The following SYT1 variants were observed in gnomAD, a reference collection of about 807,000 sequenced individuals.
The protein encoded by SYT1 is synaptotagmin-1.
Under a neutral mutation model 44.8 loss-of-function variants are expected in SYT1, and 8 were observed. The observed-to-expected ratio is 0.18, with a 90% CI of 0.10 to 0.32. SYT1 has a LOEUF of 0.32. Ranked by LOEUF, SYT1 falls within the 10% of genes least tolerant of loss-of-function variation. SYT1 has a pLI of 1.00. For missense variants in SYT1, 286 were observed against 509.3 expected (o/e 0.56, Z 4.22); for synonymous variants, 154 against 188.8 (o/e 0.82, Z 1.51).
chr12:79,026,979 T>C (rs1310852225), intron 2 of SYT1, among the ~76,000 whole-genome samples: 3 of 151,486 alleles, frequency 2.0e-5, no homozygotes, highest in East Asian at 1.9e-4. Flanking sequence ...ACAGCCGTTA[T>C]AGAAAACAGT....
rs78294870 is a variant in SYT1, at chr12:78,949,111, T to A, written c.-216-28688T>A. ...TGCTAGTGATTGGCTATAGGACTTC[T>A]CCAAACAAGGACTACAATTATAGGA... is the stretch of plus-strand genomic sequence containing the variant. On this transcript the variant is annotated intron_variant, in intron 1 of 10. Coordinates refer to ENST00000261205, the MANE Select transcript of SYT1 (RefSeq NM_005639.3). 1.1e-3 allele frequency among the ~76,000 whole-genome samples: 168 copies of A among 151,656 alleles called. 1 individual carries two copies. Among genetic ancestry groups the A allele is most frequent in the African/African-American group, 3.9e-3 (161 of 41,468 alleles).
intron 4 of SYT1, among the ~76,000 whole-genome samples, chr12:79,252,987 T>TG (rs759994940): frequency 3.9e-5 from 6 of 152,120 alleles, no homozygotes; most frequent in Non-Finnish European, 8.8e-5. Flanking sequence ...AGTGGAATGG[T>TG]GGGGAGCAAA....
chr12:79,316,965 A>C (rs1881118380), intron 8 of SYT1, among the ~76,000 whole-genome samples: 2 of 152,248 alleles, frequency 1.3e-5, no homozygotes, highest in Admixed American at 1.3e-4. Context: ...TATGTTAAAT[A>C]TTATTGAAAA....
chr12:78,958,416 C>G (rs573199927), intron 1 of SYT1, among the ~76,000 whole-genome samples: 3 of 151,950 alleles, frequency 2.0e-5, no homozygotes, highest in Non-Finnish European at 4.4e-5. Context: ...CAAACAAGGC[C>G]GGGAGCCATG....
In SYT1 at chr12:79,107,333, TGTTCCTGA is replaced by T. The variant is rs534145603; in HGVS notation, c.-18+59972_-18+59979del. Among the ~76,000 whole-genome samples, 27 of 152,086 alleles carry T rather than the reference TGTTCCTGA, an allele frequency of 1.8e-4. No homozygotes were observed. The South Asian group carries it at 5.0e-3, about 28-fold the overall frequency. Reference sequence around the variant, plus strand: ...ATAAAGTGTAATGGTTATCTATTATTGTTCCTGATGATTACAAAATTTGATCAACAATT... The same window carrying T: ...ATAAAGTGTAATGGTTATCTATTATTTGATTACAAAATTTGATCAACAATT... On this transcript the variant is annotated intron_variant, in intron 3 of 10. Coordinates refer to ENST00000261205, the MANE Select transcript of SYT1 (RefSeq NM_005639.3).
chr12:79,429,956 G>C (rs545078537), intron 9 of SYT1, among the ~76,000 whole-genome samples: 1 of 152,192 alleles, frequency 6.6e-6, no homozygotes, highest in South Asian at 2.1e-4. Flanking sequence ...ATCACATTAG[G>C]TTAATCACGA....
At chr12:79,374,571 G>A (rs772579114) in intron 9 of SYT1, among the ~76,000 whole-genome samples, 17 of 152,218 alleles carry the variant, frequency 1.1e-4, no homozygotes, top group African/African-American at 3.9e-4. Context: ...ATGATGTAAA[G>A]AGGCACTAAA....
intron 2 of SYT1, among the ~76,000 whole-genome samples, chr12:79,010,133 T>G (rs909098708): frequency 7.9e-5 from 12 of 152,170 alleles, no homozygotes; most frequent in African/African-American, 2.9e-4. Context: ...TCCTGTTCTT[T>G]CAATATCTTC....
At chr12:79,372,989 A>C (rs1883853348) in intron 9 of SYT1, among the ~76,000 whole-genome samples, 2 of 152,216 alleles carry the variant, frequency 1.3e-5, no homozygotes, top group Non-Finnish European at 2.9e-5. Context: ...AAAAATATTA[A>C]TCATAAATGA....
chr12:79,194,665 A>C (rs1339775055), intron 3 of SYT1, among the ~76,000 whole-genome samples: 1 of 152,144 alleles, frequency 6.6e-6, no homozygotes, highest in Non-Finnish European at 1.5e-5. Flanking sequence ...ACACACACAC[A>C]CTTGAAACAC....
At chr12:79,135,459 C>T (rs1016814621) in intron 3 of SYT1, among the ~76,000 whole-genome samples, 1 of 152,030 alleles carries the variant, frequency 6.6e-6, no homozygotes, top group Non-Finnish European at 1.5e-5. Flanking sequence ...ATTTAATTAC[C>T]ATGTTCCTAT....
intron 2 of SYT1, among the ~76,000 whole-genome samples, chr12:79,007,330 T>C (rs781369011): frequency 7.9e-5 from 12 of 152,168 alleles, no homozygotes; most frequent in Non-Finnish European, 1.6e-4. Flanking sequence ...GCTCTTAGTT[T>C]ATTCGGGTAT....
chr12:78,876,637 A>G (rs1183563740), intron 1 of SYT1, among the ~76,000 whole-genome samples: 6 of 133,608 alleles, frequency 4.5e-5, no homozygotes, highest in South Asian at 2.2e-4. Flanking sequence ...ACACACGTGT[A>G]CACATATGTA....
chr12:79,284,112 C>A (rs1164746495), intron 4 of SYT1, among the ~76,000 whole-genome samples: 1 of 150,880 alleles, frequency 6.6e-6, no homozygotes, highest in Admixed American at 6.6e-5. Context: ...TTTTTTATTA[C>A]AACAGACAAA....
intron 1 of SYT1, among the ~76,000 whole-genome samples, chr12:78,884,763 G>A (rs763472447): frequency 2.2e-4 from 33 of 151,556 alleles, no homozygotes; most frequent in Admixed American, 1.3e-4. Flanking sequence ...TGTTAAGAAT[G>A]AGCTTGCACA....
intron 9 of SYT1, among the ~76,000 whole-genome samples, chr12:79,406,476 G>C (rs551434189): frequency 6.6e-6 from 1 of 152,080 alleles, no homozygotes; most frequent in African/African-American, 2.4e-5. Context: ...AGCCCAAAAG[G>C]GTTTGAAGAG....
rs763669583 is a variant in SYT1 at position 79,285,800 on chromosome 12, C to T, written c.180C>T (p.Ala60=). 6.2e-7 allele frequency: 1 copy of T among 1,606,338 alleles called. No homozygotes were observed. Among genetic ancestry groups the T allele is most frequent in the Admixed American group, 1.7e-5 (1 of 57,922 alleles). ...TGTTTCTTTCAGTGCCACCGTGGGC[C>T]TTAATTGCAATAGCCATAGTCGCAG... ...ELHKIPLPPW[A]LIAIAIVAVL... Residue 60 remains alanine (A), a synonymous_variant, in exon 5 of 11, where the codon GCC becomes GCT. Coordinates refer to ENST00000261205, the MANE Select transcript of SYT1 (RefSeq NM_005639.3).
At chr12:78,875,712 AAT>A (rs1874031561) in intron 1 of SYT1, among the ~76,000 whole-genome samples, 1 of 151,738 alleles carries the variant, frequency 6.6e-6, no homozygotes, top group East Asian at 1.9e-4. Context: ...ATTTCTGTGT[AAT>A]ATGTTTCCAG....
intron 4 of SYT1, among the ~76,000 whole-genome samples, chr12:79,226,391 C>T (rs1222623372): frequency 6.6e-6 from 1 of 152,118 alleles, no homozygotes; most frequent in East Asian, 1.9e-4. Flanking sequence ...TCTTTTGCTT[C>T]TCTTGGGTAA....
Sources: gnomAD v4.1 joint callset for allele counts (sites outside exome capture counted in the v4.1 genomes callset) on GRCh38, gnomAD v4.1.1 for gene constraint, MANE v1.5 for transcripts, NCBI Gene and HGNC (gene_info 2026-07-23, HGNC 2026-07-21) for gene names.